Variants in ITGA8 observed in about 807,000 individuals in gnomAD.
The protein encoded by ITGA8 is integrin alpha-8.
A neutral mutation model predicts 142.3 loss-of-function variants in ITGA8; 91 were observed. The observed-to-expected ratio is 0.64, with a 90% CI of 0.54 to 0.76. ITGA8 has a LOEUF of 0.76. Among genes scored for constraint, ITGA8 ranks in the 30% least tolerant of loss-of-function variants. The pLI is 0.00. For missense variants in ITGA8, 1,406 were observed against 1,327.7 expected, an observed-to-expected ratio of 1.06 and a Z score of -0.92; for synonymous variants, 505 against 485.2, an observed-to-expected ratio of 1.04 and a Z score of -0.54.
At position 15,683,720 on chromosome 10, in the gene ITGA8, AC is replaced by A. The variant is rs1834784214; in HGVS notation, c.568+283del. On this transcript the variant is annotated intron_variant, in intron 4 of 29. Transcript: ENST00000378076. ...TTAGGACACGGAACGTGAATTTTGAACAGCAACTGACACCTTATGGCCTAAA... is the reference window on the plus strand; with the variant it reads ...TTAGGACACGGAACGTGAATTTTGAAAGCAACTGACACCTTATGGCCTAAA... Among the ~76,000 whole-genome samples, 3 of 152,360 alleles carry A rather than the reference AC, an allele frequency of 2.0e-5. No homozygotes were observed. The South Asian group carries it at 6.2e-4, about 32-fold the overall frequency.
At chr10:15,599,275 C>A (rs1293836485) in intron 20 of ITGA8, among the ~76,000 whole-genome samples, 1 of 151,888 alleles carries the variant, frequency 6.6e-6, no homozygotes, top group Non-Finnish European at 1.5e-5. Context: ...ATGGACATTT[C>A]TAGATTATTT....
rs1833199973 is a variant in ITGA8 at position 15,606,496 on chromosome 10, C to T, written c.1765-74G>A. The T allele has an allele frequency of 5.7e-6, 8 of 1,411,722 alleles. 1 individual carries two copies. In the South Asian group the frequency reaches 9.0e-5, roughly 16 times the overall value. The allele number at this position is 1,411,722 out of a possible 1,614,324, so 87.4% of individuals were successfully genotyped here. The stretch of plus-strand genomic sequence containing the variant: ...AAGATGTCAGTCTGCAAAAGTCAGG[C>T]AACACTGGAATTTACTCAATGAAAG... On this transcript the variant is annotated intron_variant, in intron 17 of 29. Transcript: ENST00000378076.
At chr10:15,578,735 T>A (rs1834345495) in intron 23 of ITGA8, among the ~76,000 whole-genome samples, 1 of 152,078 alleles carries the variant, frequency 6.6e-6, no homozygotes, top group African/African-American at 2.4e-5. Context: ...ATGTTTGTGG[T>A]CTCTCTTAGT....
intron 13 of ITGA8, among the ~76,000 whole-genome samples, chr10:15,632,563 G>C (rs1216187998): frequency 6.6e-6 from 1 of 152,160 alleles, no homozygotes; most frequent in Non-Finnish European, 1.5e-5. Flanking sequence ...CAGGAGATTA[G>C]TGTATTTGTA....
intron 25 of ITGA8, among the ~76,000 whole-genome samples, chr10:15,567,033 C>G (rs533382025): frequency 1.3e-5 from 2 of 150,428 alleles, no homozygotes; most frequent in South Asian, 4.2e-4. Flanking sequence ...TGGCGGGTGC[C>G]AATCCTAGCT....
At position 15,644,136 on chromosome 10, in the gene ITGA8, G is replaced by C. The variant is rs1833921549; in HGVS notation, c.1293C>G (p.Thr431=). 1 of 1,614,100 alleles carries C rather than the reference G, an allele frequency of 6.2e-7. No individual in the cohort carries two copies. Among genetic ancestry groups the C allele is most frequent in the Non-Finnish European group, 8.5e-7 (1 of 1,180,000 alleles). ...IYNGNKDGLN[T]KPSQVLQGVW... ...CTCCTTGCAGAACTTGGGAAGGCTT[G>C]GTGTTTAAGCCATCTTTGTTCCCAT... Residue 431 remains threonine, a synonymous_variant, in exon 13 of 30, where the codon ACC becomes ACG. Coordinates refer to ENST00000378076, the MANE Select transcript of ITGA8 (RefSeq NM_003638.3).
chr10:15,524,988 A>G (rs990101906), intron 28 of ITGA8, among the ~76,000 whole-genome samples: 15 of 152,144 alleles, frequency 9.9e-5, no homozygotes, highest in African/African-American at 3.6e-4. Context: ...AGAATCTTTC[A>G]TTCATTTCAA....
chr10:15,719,518 A>G (rs1251172079), intron 1 of ITGA8, 45 bp downstream of exon 1: 2 of 1,475,520 alleles, frequency 1.4e-6, no homozygotes, highest in Non-Finnish European at 1.8e-6. Flanking sequence ...CTGACCCGGG[A>G]GCGCCTTCGT....
intron 8 of ITGA8, among the ~76,000 whole-genome samples, chr10:15,662,729 G>A (rs1374626094): frequency 6.6e-6 from 1 of 152,162 alleles, no homozygotes; most frequent in African/African-American, 2.4e-5. Context: ...CTAGTGAGAA[G>A]CAAAAATATT....
chr10:15,667,548 T>C (rs1486727353), intron 8 of ITGA8, among the ~76,000 whole-genome samples: 1 of 152,212 alleles, frequency 6.6e-6, no homozygotes, highest in Non-Finnish European at 1.5e-5. Context: ...AGTTATTTCT[T>C]GCCTTCTGCT....
chr10:15,561,350 CTCT>C (rs1227076705), intron 25 of ITGA8, among the ~76,000 whole-genome samples: 1 of 151,180 alleles, frequency 6.6e-6, no homozygotes, highest in African/African-American at 2.4e-5. Flanking sequence ...ATTTAAAATG[CTCT>C]TCTTTATGTT....
intron 2 of ITGA8, among the ~76,000 whole-genome samples, chr10:15,716,632 A>G (rs1000304088): frequency 3.3e-5 from 5 of 151,502 alleles, no homozygotes; most frequent in African/African-American, 1.2e-4. Context: ...GCTTCAAGCA[A>G]TTGCTTTAGA....
chr10:15,525,609 C>A, intron 28 of ITGA8, among the ~76,000 whole-genome samples: 1 of 134,152 alleles, frequency 7.5e-6, no homozygotes, highest in Non-Finnish European at 1.5e-5. Context: ...AGAGCCACTG[C>A]ACTCCAGCCT....
At chr10:15,662,844 C>A (rs983859796) in intron 8 of ITGA8, among the ~76,000 whole-genome samples, 1 of 152,154 alleles carries the variant, frequency 6.6e-6, no homozygotes. Context: ...TCCAACACAT[C>A]AAATTACATT....
At chr10:15,654,865 C>T (rs1834153864) in intron 11 of ITGA8, among the ~76,000 whole-genome samples, 1 of 152,156 alleles carries the variant, frequency 6.6e-6, no homozygotes, top group African/African-American at 2.4e-5. Context: ...ATGACTTAAG[C>T]ACAACCAAAA....
chr10:15,686,933 C>A (rs2131706913), intron 3 of ITGA8, among the ~76,000 whole-genome samples: 1 of 152,162 alleles, frequency 6.6e-6, no homozygotes, highest in South Asian at 2.1e-4. Context: ...AAAACAGTAT[C>A]CAAAAGATTT....
intron 20 of ITGA8, among the ~76,000 whole-genome samples, chr10:15,601,283 T>A (rs1295959341): frequency 2.0e-5 from 3 of 151,228 alleles, no homozygotes; most frequent in Non-Finnish European, 4.4e-5. Context: ...GGGGTGTGAG[T>A]GGGAAGACCA....
At chr10:15,653,849 G>C (rs1205340022) in intron 11 of ITGA8, among the ~76,000 whole-genome samples, 1 of 112,250 alleles carries the variant, frequency 8.9e-6, no homozygotes, top group Non-Finnish European at 1.9e-5. Context: ...TTTTTTTCTT[G>C]TTTGAGACAG....
At chr10:15,672,157 A>T (rs1016643004) in intron 7 of ITGA8, among the ~76,000 whole-genome samples, 3 of 152,204 alleles carry the variant, frequency 2.0e-5, no homozygotes, top group African/African-American at 7.2e-5. Context: ...ACATAGCTAC[A>T]TTTCTTTTTC....
Sources: allele counts gnomAD v4.1 joint callset (sites outside exome capture counted in the v4.1 genomes callset), GRCh38; gene constraint gnomAD v4.1.1; transcripts MANE v1.5; gene names NCBI Gene and HGNC (gene_info 2026-07-23, HGNC 2026-07-21).